The following DNAI3 variants were observed in gnomAD, a reference collection of about 807,000 sequenced individuals.
The protein encoded by DNAI3 is dynein axonemal intermediate chain 3.
A neutral mutation model predicts 115.5 loss-of-function variants in DNAI3; 83 were observed. The ratio of observed to expected loss-of-function variants is 0.72; its 90% CI spans 0.60 to 0.86. The LOEUF (loss-of-function observed/expected upper bound fraction) is 0.86. Ranked by LOEUF, DNAI3 falls within the 40% of genes least tolerant of loss-of-function variation. The probability of loss-of-function intolerance (pLI) is 0.00; values close to 1 mark genes in which losing one functional copy is unlikely to be tolerated. For missense variants in DNAI3, 1,004 were observed against 1,075.8 expected (o/e 0.93, Z 0.93); for synonymous variants, 320 against 347.0 (o/e 0.92, Z 0.86).
At chr1:85,091,852 A>G (rs1252363382) in intron 8 of DNAI3, among the ~76,000 whole-genome samples, 1 of 152,192 alleles carries the variant, frequency 6.6e-6, no homozygotes, top group African/African-American at 2.4e-5. Flanking sequence ...ACCAGAAGAA[A>G]GATGTGTTTT....
intron 7 of DNAI3, among the ~76,000 whole-genome samples, chr1:85,088,276 A>T (rs920530104): frequency 6.6e-6 from 1 of 152,134 alleles, no homozygotes; most frequent in Non-Finnish European, 1.5e-5. Context: ...TAATAATAAT[A>T]TTGGCAGTGT....
chr1:85,100,990 G>C (rs1386392884), intron 13 of DNAI3, among the ~76,000 whole-genome samples: 4 of 151,854 alleles, frequency 2.6e-5, no homozygotes, highest in East Asian at 3.9e-4. Context: ...GGGGGAGGAG[G>C]GGGGATAGCA....
chr1:85,119,665 TCTCA>T lies in DNAI3; in HGVS notation c.1917+1810_1917+1813del, dbSNP rs1160182948. Among the ~76,000 whole-genome samples, 131 of 152,200 alleles carry T rather than the reference TCTCA, an allele frequency of 8.6e-4. 1 individual carries two copies. Among genetic ancestry groups the T allele is most frequent in the Non-Finnish European group, 8.8e-5 (6 of 68,002 alleles). On this transcript the variant is annotated intron_variant, in intron 17 of 22. Transcript: ENST00000294664. ...TCTGCCTTATCTGCACCAACCTCCC[TCTCA>T]CTCTGGCAGCTCTGTTTTTTCCTTT...
At chr1:85,079,067 CCTT>C (rs1195388848) in intron 3 of DNAI3, among the ~76,000 whole-genome samples, 1 of 152,182 alleles carries the variant, frequency 6.6e-6, no homozygotes, top group East Asian at 1.9e-4. Flanking sequence ...GGGACAGCTG[CCTT>C]CTTTTCGGCA....
chr1:85,095,938 T>A lies in DNAI3; in HGVS notation c.1181T>A (p.Leu394Gln), dbSNP rs746778572. 1 of 1,613,882 alleles carries A rather than the reference T, an allele frequency of 6.2e-7. No homozygotes were observed. The highest frequency in any genetic ancestry group is 1.7e-5 in the Admixed American group (1 of 60,010). ...TTGCTGGGTTTACTTTAGTTAATGC[T>A]GGAGAGCCCAGATGACATCTTCTGC... ...FSDPIHPQLM[L>Q]ESPDDIFCFK... Residue 394 changes from leucine to glutamine, a missense_variant, in exon 11 of 23, where the codon CTG becomes CAG. This residue lies in a region of DNAI3 where 550 missense variants were observed against 568.1 expected (regional missense o/e 0.97). Transcript: ENST00000294664.
At chr1:85,100,522 G>A (rs1655265547) in intron 13 of DNAI3, among the ~76,000 whole-genome samples, 1 of 152,164 alleles carries the variant, frequency 6.6e-6, no homozygotes, top group African/African-American at 2.4e-5. Context: ...TACACTGTTG[G>A]TGGGACTGTA....
intron 21 of DNAI3, among the ~76,000 whole-genome samples, chr1:85,129,688 C>T (rs999669946): frequency 2.6e-5 from 4 of 152,150 alleles, no homozygotes; most frequent in Non-Finnish European, 5.9e-5. Context: ...CTTTGGAAAC[C>T]TCCAAGTCAC....
At chr1:85,082,595 C>T (rs764581357) in intron 5 of DNAI3, among the ~76,000 whole-genome samples, 191 bp downstream of exon 5, 1 of 152,114 alleles carries the variant, frequency 6.6e-6, no homozygotes, top group Non-Finnish European at 1.5e-5. Context: ...CAGGCGTGCA[C>T]CACCACGTCA....
Position 85,130,030 on chromosome 1 carries a change from A to C in DNAI3, c.2450A>C (p.His817Pro). ...CACTATTTTGAAAGAGAAGTCAAGC[A>C]TCTGGAATACGTAGAACAGCGCAAA... is the stretch of plus-strand genomic sequence containing the variant. Reference protein sequence around the residue: ...VNHYFEREVKHLEYVEQRKKI... With the variant: ...VNHYFEREVKPLEYVEQRKKI... The change falls in exon 22 of 23, where the codon CAT (histidine) becomes CCT (proline). Residue 817 changes from histidine to proline, a missense_variant. Around this residue, in one of 3 missense-constraint regions of DNAI3, gnomAD observed 429 missense variants for 454.3 expected, o/e 0.94. Coordinates refer to ENST00000294664, the MANE Select transcript of DNAI3 (RefSeq NM_145172.5). 6.2e-7 allele frequency: 1 copy of C among 1,613,574 alleles called. No homozygotes were observed. Among genetic ancestry groups the C allele is most frequent in the Non-Finnish European group, 8.5e-7 (1 of 1,179,748 alleles).
intron 3 of DNAI3, among the ~76,000 whole-genome samples, chr1:85,076,857 A>G (rs541116141): frequency 1.3e-5 from 2 of 152,292 alleles, no homozygotes; most frequent in East Asian, 1.9e-4. Context: ...GGTTAATAGC[A>G]CAGGCTTTGG....
intron 7 of DNAI3, among the ~76,000 whole-genome samples, chr1:85,086,859 A>T (rs1285195737): frequency 2.6e-5 from 4 of 151,950 alleles, no homozygotes; most frequent in African/African-American, 9.7e-5. Context: ...TGCAAGTCAG[A>T]TCATGTCACT....
In DNAI3 at chr1:85,105,485, G is replaced by A. The variant is rs1396682518; in HGVS notation, c.1553+888G>A. Among the ~76,000 whole-genome samples the A allele has an allele frequency of 1.2e-4, 17 of 143,330 alleles. No individual in the cohort carries two copies. In the East Asian group the frequency reaches 2.5e-3, roughly 21 times the overall value. 94.0% of individuals were successfully genotyped at this position (143,330 alleles called of 152,430 possible). A position where few individuals can be genotyped will look rare whatever the true frequency, so the allele number is the denominator to read the frequency against. ...TAGAAAATATGAGGTGCGAGATTGC[G>A]CCATTGCACTCTAGCCTGGGCAACA... On this transcript the variant is annotated intron_variant, in intron 14 of 22. Coordinates refer to ENST00000294664, the MANE Select transcript of DNAI3 (RefSeq NM_145172.5).
At chr1:85,129,345 A>G (rs1349350291) in intron 21 of DNAI3, among the ~76,000 whole-genome samples, 2 of 152,264 alleles carry the variant, frequency 1.3e-5, no homozygotes, top group African/African-American at 4.8e-5. Flanking sequence ...TTAAACATAT[A>G]GATTGCAGTC....
chr1:85,117,701 A>T, intron 16 of DNAI3, 28 bp from the exon 17 acceptor site: 5 of 1,606,312 alleles, frequency 3.1e-6, no homozygotes, highest in Non-Finnish European at 4.3e-6. Context: ...GTAAATATGT[A>T]CTTCTTCTAC....
chr1:85,074,910 A>G (rs1654405135), intron 3 of DNAI3, among the ~76,000 whole-genome samples: 1 of 152,208 alleles, frequency 6.6e-6, no homozygotes, highest in Admixed American at 6.5e-5. Context: ...CTCATTACTG[A>G]ATAAATAAAT....
intron 8 of DNAI3, among the ~76,000 whole-genome samples, chr1:85,091,804 C>T (rs146436657): frequency 6.5e-4 from 99 of 152,220 alleles, no homozygotes; most frequent in African/African-American, 1.1e-3. Flanking sequence ...TTGTTACTCT[C>T]GGGAGCTACA....
chr1:85,124,219 T>C lies in DNAI3; in HGVS notation c.2080T>C (p.Trp694Arg), dbSNP rs1656067306. The C allele has an allele frequency of 1.2e-6, 2 of 1,612,226 alleles. No homozygotes were observed. Among genetic ancestry groups the C allele is most frequent in the East Asian group, 2.2e-5 (1 of 44,766 alleles). ...CGACATTATTCTCACGGTTGGAGGTTGGAACGTGGCCATATGGAAAGAAGG... is the reference window on the plus strand; with the variant it reads ...CGACATTATTCTCACGGTTGGAGGTCGGAACGTGGCCATATGGAAAGAAGG... Reference protein sequence around the residue: ...YNDIILTVGGWNVAIWKEGVM... With the variant: ...YNDIILTVGGRNVAIWKEGVM... Residue 694 changes from tryptophan (W) to arginine (R), a missense_variant, in exon 19 of 23, where the codon TGG (tryptophan) becomes CGG (arginine). Physicochemically the swap from Trp to Arg is moderately radical, Grantham distance 101 (BLOSUM62 -3). Coordinates refer to ENST00000294664, the MANE Select transcript of DNAI3 (RefSeq NM_145172.5).
At chr1:85,084,277 T>TATGC (rs59205168) in intron 5 of DNAI3, among the ~76,000 whole-genome samples, 1 of 128,472 alleles carries the variant, frequency 7.8e-6, no homozygotes, top group Non-Finnish European at 1.6e-5. Context: ...TATATATATA[T>TATGC]ACACATCCAT....
intron 8 of DNAI3, among the ~76,000 whole-genome samples, chr1:85,093,069 A>T (rs1655027481): frequency 6.6e-6 from 1 of 152,110 alleles, no homozygotes; most frequent in Non-Finnish European, 1.5e-5. Flanking sequence ...CAGGACCGGG[A>T]AGGTAGAGCA....
Sources: allele counts gnomAD v4.1 joint callset (sites outside exome capture counted in the v4.1 genomes callset), GRCh38; gene constraint gnomAD v4.1.1; regional missense constraint gnomAD v4.1.1; transcripts MANE v1.5; gene names NCBI Gene and HGNC (gene_info 2026-07-23, HGNC 2026-07-21).